ZNF670: variants seen among roughly 807,000 people sequenced by gnomAD.
ZNF670 encodes zinc finger protein 670.
ZNF670 carries 7 observed loss-of-function variants against 10.9 expected under a neutral mutation model. That is an observed-to-expected ratio of 0.64 (90% CI 0.36 to 1.20). ZNF670 has a LOEUF of 1.20. Ranked by LOEUF, ZNF670 falls within the 50% of genes most tolerant of loss-of-function variation. The pLI, the probability that ZNF670 is intolerant of heterozygous loss-of-function variation, is 0.02. For missense variants in ZNF670, 446 were observed against 458.6 expected (o/e 0.97, Z 0.25); for synonymous variants, 136 against 152.7 (o/e 0.89, Z 0.81).
intron 1 of ZNF670, among the ~76,000 whole-genome samples, chr1:247,066,319 G>A (rs918360865): frequency 2.6e-5 from 4 of 152,156 alleles, no homozygotes; most frequent in Non-Finnish European, 5.9e-5. Context: ...GGGTGAGTAA[G>A]ATAGGCATGG....
intron 1 of ZNF670, among the ~76,000 whole-genome samples, chr1:247,062,141 A>G (rs776504959): frequency 6.6e-6 from 1 of 152,222 alleles, no homozygotes; most frequent in Non-Finnish European, 1.5e-5. Context: ...ACATGCGAAA[A>G]TGAGAAAGTG....
intron 1 of ZNF670, among the ~76,000 whole-genome samples, chr1:247,056,792 C>G (rs1305641547): frequency 6.6e-6 from 1 of 152,056 alleles, no homozygotes; most frequent in Non-Finnish European, 1.5e-5. Flanking sequence ...AACTGGATAT[C>G]CACATGTAGA....
chr1:247,066,005 G>T (rs1199852187), intron 1 of ZNF670, among the ~76,000 whole-genome samples: 1 of 152,196 alleles, frequency 6.6e-6, no homozygotes, highest in East Asian at 1.9e-4. Flanking sequence ...AAGTCCCATA[G>T]CAGTGTAATG....
At chr1:247,072,853 T>TACACACACACACACACACACAC (rs67112261) in intron 1 of ZNF670, among the ~76,000 whole-genome samples, 2 of 100,036 alleles carry the variant, frequency 2.0e-5, no homozygotes, top group African/African-American at 7.8e-5. Flanking sequence ...TACACACACA[T>TACACACACACACACACACACAC]ACACACACAC....
In ZNF670 at chr1:247,039,440, T is replaced by G. The variant is rs543432076; in HGVS notation, c.101A>C (p.Gln34Pro). ...AGAAGCCAGGTTCCTGAAGATTTCTTGCATCACATCTCTGTAGAGATTCTT... is the reference window on the plus strand; with the variant it reads ...AGAAGCCAGGTTCCTGAAGATTTCTGGCATCACATCTCTGTAGAGATTCTT... ...SQKNLYRDVM[Q>P]EIFRNLASVG... The change falls in exon 2 of 4, where the codon CAA (glutamine) becomes CCA (proline). Residue 34 changes from glutamine (Q) to proline (P), a missense_variant. Coordinates refer to ENST00000366503, the MANE Select transcript of ZNF670 (RefSeq NM_033213.5). The G allele has an allele frequency of 6.2e-7, 1 of 1,605,254 alleles. No homozygotes were observed. The highest frequency in any genetic ancestry group is 8.5e-7 in the Non-Finnish European group (1 of 1,176,726).
At position 247,037,411 on chromosome 1, in the gene ZNF670, T is replaced by C; in HGVS notation, c.*38A>G. 6.5e-7 allele frequency: 1 copy of C among 1,545,746 alleles called. No individual in the cohort carries two copies. Among genetic ancestry groups the C allele is most frequent in the Non-Finnish European group, 8.7e-7 (1 of 1,151,494 alleles). ...AGAATAACTGAAAGCTTTAACACAC[T>C]TCTTACATTGACAGAGGTGTTTTGT... On this transcript the variant is annotated 3_prime_UTR_variant, in exon 4 of 4. Coordinates refer to ENST00000366503, the MANE Select transcript of ZNF670 (RefSeq NM_033213.5).
chr1:247,042,439 T>C (rs7418825), intron 1 of ZNF670, among the ~76,000 whole-genome samples: 52,700 of 152,114 alleles, frequency 0.35, 10,400 homozygotes, highest in African/African-American at 0.53. Context: ...TTGACACTTG[T>C]GGATCCATTA....
Position 247,034,697 on chromosome 1 carries a change from G to A in ZNF670, c.*2752C>T, listed in dbSNP as rs1670106060. On this transcript the variant is annotated 3_prime_UTR_variant, in exon 4 of 4. Transcript: ENST00000366503. Reference sequence around the variant, plus strand: ...CATGCTTAATTCTCCCCAGCATGGGGACATTCTTCCTTTCTGCAACTTCAC... The same window carrying A: ...CATGCTTAATTCTCCCCAGCATGGGAACATTCTTCCTTTCTGCAACTTCAC... Among the ~76,000 whole-genome samples, 2 of 152,190 alleles carry A rather than the reference G, an allele frequency of 1.3e-5. No homozygotes were observed. Among genetic ancestry groups the A allele is most frequent in the South Asian group, 4.1e-4 (2 of 4,820 alleles).
In ZNF670 at chr1:247,038,302, C is replaced by G. The variant is rs1380909392; in HGVS notation, c.317G>C (p.Ser106Thr). ...VSTGVKPCEC[S>T]VCGKVFICHS... Reference sequence around the variant, plus strand: ...ACATATGAAGACTTTTCCACACACACTGCATTCACATGGCTTTACTCCAGT... The same window carrying G: ...ACATATGAAGACTTTTCCACACACAGTGCATTCACATGGCTTTACTCCAGT... The change falls in exon 4 of 4, where the codon AGT becomes ACT. Residue 106 changes from serine (S) to threonine (T), a missense_variant. By Grantham distance (58) the Ser-to-Thr change is moderately conservative. Transcript: ENST00000366503. 9 of 1,614,214 alleles carry G rather than the reference C, an allele frequency of 5.6e-6. No homozygotes were observed. The Middle Eastern group carries it at 6.6e-4, about 118-fold the overall frequency.
At chr1:247,039,056 CTTTCT>C (rs1478803133) in intron 2 of ZNF670, among the ~76,000 whole-genome samples, 186 bp from the exon 3 acceptor site, 4 of 116,058 alleles carry the variant, frequency 3.4e-5, no homozygotes, top group African/African-American at 1.6e-4. Context: ...TTTTTTCTTT[CTTTCT>C]TTTTTTTTTT....
At chr1:247,050,626 C>A (rs1044122442) in intron 1 of ZNF670, among the ~76,000 whole-genome samples, 1 of 152,038 alleles carries the variant, frequency 6.6e-6, no homozygotes, top group Non-Finnish European at 1.5e-5. Flanking sequence ...CAAGCATGCA[C>A]CACCACGCCC....
chr1:247,046,260 T>A (rs528640469), intron 1 of ZNF670, among the ~76,000 whole-genome samples: 1 of 152,266 alleles, frequency 6.6e-6, no homozygotes, highest in African/African-American at 2.4e-5. Context: ...CCAACAGCCA[T>A]GAGGCTAAGA....
At chr1:247,061,539 CT>C (rs1367746642) in intron 1 of ZNF670, among the ~76,000 whole-genome samples, 1 of 151,722 alleles carries the variant, frequency 6.6e-6, no homozygotes, top group African/African-American at 2.4e-5. Context: ...ATAGAAAAAA[CT>C]ATACAACGAT....
At chr1:247,063,452 G>A (rs1287280352) in intron 1 of ZNF670, among the ~76,000 whole-genome samples, 10 of 151,812 alleles carry the variant, frequency 6.6e-5, no homozygotes, top group Admixed American at 2.6e-4. Flanking sequence ...GTGTGGTGGT[G>A]GGCGCCTGTA....
At chr1:247,076,825 T>C (rs985360052) in intron 1 of ZNF670, among the ~76,000 whole-genome samples, 1 of 152,182 alleles carries the variant, frequency 6.6e-6, no homozygotes, top group Non-Finnish European at 1.5e-5. Flanking sequence ...CAGACTGGGC[T>C]AATTTTTGTA....
chr1:247,048,320 A>G (rs1261651799), intron 1 of ZNF670, among the ~76,000 whole-genome samples: 1 of 152,172 alleles, frequency 6.6e-6, no homozygotes, highest in South Asian at 2.1e-4. Context: ...TCTCTTTGCT[A>G]AAGTATAGCA....
Position 247,038,421 on chromosome 1 carries a change from A to G in ZNF670, c.198T>C (p.His66=). 1.2e-6 allele frequency: 2 copies of G among 1,602,736 alleles called. No homozygotes were observed. Among genetic ancestry groups the G allele is most frequent in the Non-Finnish European group, 1.7e-6 (2 of 1,175,246 alleles). Residue 66 remains histidine (H), a synonymous_variant, in exon 4 of 4, where the codon CAT becomes CAC. Transcript: ENST00000366503. ...TAATTTCAAACAGTCTCTCTACCAC[A>G]TGACTGCTGTAAAAATGATAAACAT... The part of the protein sequence containing the change: ...FKNPGRNLSS[H]VVERLFEIKE...
intron 1 of ZNF670, among the ~76,000 whole-genome samples, chr1:247,057,892 A>T (rs934431985): frequency 2.6e-5 from 4 of 152,224 alleles, no homozygotes; most frequent in Non-Finnish European, 4.4e-5. Context: ...TACAAAAAAA[A>T]TAGTTAGAAA....
chr1:247,072,555 C>T (rs1231175043), intron 1 of ZNF670, among the ~76,000 whole-genome samples: 1 of 151,408 alleles, frequency 6.6e-6, no homozygotes, highest in African/African-American at 2.4e-5. Flanking sequence ...GAGGCCAAGG[C>T]GGGAGGATCA....
Sources: gnomAD v4.1 joint callset for allele counts (sites outside exome capture counted in the v4.1 genomes callset) on GRCh38, gnomAD v4.1.1 for gene constraint, MANE v1.5 for transcripts, NCBI Gene and HGNC (gene_info 2026-07-23, HGNC 2026-07-21) for gene names.